ERC1: variants seen among roughly 807,000 people sequenced by gnomAD.
ERC1 encodes RAB6 interacting protein 2.
A neutral mutation model predicts 132.0 loss-of-function variants in ERC1; 56 were observed. The ratio of observed to expected loss-of-function variants is 0.42; its 90% CI spans 0.34 to 0.53. ERC1 has a LOEUF of 0.53. Ranked by LOEUF, ERC1 falls within the 20% of genes least tolerant of loss-of-function variation. ERC1 has a pLI of 0.03. For missense variants in ERC1, 1,202 were observed against 1,349.9 expected (o/e 0.89, Z 1.72); for synonymous variants, 478 against 476.1 (o/e 1.00, Z -0.05).
chr12:1,337,350 T>C (rs1301794423), intron 15 of ERC1, among the ~76,000 whole-genome samples: 3 of 152,070 alleles, frequency 2.0e-5, no homozygotes, highest in Non-Finnish European at 2.9e-5. Flanking sequence ...TTAAAGTCTA[T>C]TTTTTCTGAA....
intron 1 of ERC1, among the ~76,000 whole-genome samples, chr12:1,017,644 G>A (rs750784480): frequency 1.3e-5 from 2 of 151,778 alleles, no homozygotes; most frequent in African/African-American, 4.8e-5. Flanking sequence ...GACTAGAGGC[G>A]TGCGCTATCA....
rs77918180 is a variant in ERC1, at chr12:1,461,529, G to A, written c.3213+16779G>A. 5.7e-3 allele frequency among the ~76,000 whole-genome samples: 873 copies of A among 152,116 alleles called. 3 individuals carry two copies. The highest frequency in any genetic ancestry group is 0.02 in the African/African-American group (820 of 41,498). On this transcript the variant is annotated intron_variant, in intron 18 of 18. Transcript: ENST00000360905. The stretch of plus-strand genomic sequence containing the variant: ...CTAAAAGTACAAAAATTAACCTGGC[G>A]TGGTGGTGGGCACCTGTAATCTCAG...
intron 18 of ERC1, among the ~76,000 whole-genome samples, chr12:1,445,222 ATTTTTTTT>A (rs137864873): frequency 2.2e-5 from 2 of 90,692 alleles, no homozygotes; most frequent in African/African-American, 5.3e-5. Flanking sequence ...TGTACAGTAG[ATTTTTTTT>A]TTTTTTTTTT....
chr12:1,244,779 C>CCA, intron 13 of ERC1: 17 of 272,250 alleles, frequency 6.2e-5, no homozygotes, highest in Non-Finnish European at 1.0e-4. Context: ...TCGGCCTCTA[C>CCA]AAGTGCTGGG....
rs778126135 is a variant in ERC1, at chr12:1,096,606, C to A, written c.1087-8144C>A. Among the ~76,000 whole-genome samples, 6 of 152,052 alleles carry A rather than the reference C, an allele frequency of 3.9e-5. No homozygotes were observed. In the South Asian group the frequency reaches 1.0e-3, roughly 26 times the overall value. The stretch of plus-strand genomic sequence containing the variant: ...GCTGGGAGGAGGCTGACGAGTTTGT[C>A]GTTTTAAGGCAGGTGAGAGATTATT... On this transcript the variant is annotated intron_variant, in intron 3 of 18. Coordinates refer to ENST00000360905, the MANE Select transcript of ERC1 (RefSeq NM_178040.4).
chr12:1,200,497 T>C (rs1442357971), intron 12 of ERC1, among the ~76,000 whole-genome samples: 1 of 152,182 alleles, frequency 6.6e-6, no homozygotes, highest in African/African-American at 2.4e-5. Context: ...CCAATGTATA[T>C]ATGTTATAAA....
intron 18 of ERC1, among the ~76,000 whole-genome samples, chr12:1,479,503 G>T (rs1185708165): frequency 2.0e-5 from 3 of 152,156 alleles, no homozygotes; most frequent in Non-Finnish European, 2.9e-5. Context: ...GGCAATTTCA[G>T]TGAAATAGCA....
intron 2 of ERC1, among the ~76,000 whole-genome samples, chr12:1,067,870 C>CTG (rs1245859386): frequency 1.3e-5 from 2 of 150,220 alleles, no homozygotes; most frequent in East Asian, 3.9e-4. Flanking sequence ...TAGAACAAAA[C>CTG]TGTGTGTGTG....
At chr12:1,441,112 G>C (rs565920397) in intron 17 of ERC1, among the ~76,000 whole-genome samples, 1 of 151,576 alleles carries the variant, frequency 6.6e-6, no homozygotes, top group Non-Finnish European at 1.5e-5. Flanking sequence ...AGCCTGGAGT[G>C]CAATGGTGCG....
intron 8 of ERC1, among the ~76,000 whole-genome samples, chr12:1,177,782 C>T (rs564692031): frequency 2.0e-5 from 3 of 152,282 alleles, no homozygotes; most frequent in Non-Finnish European, 2.9e-5. Context: ...TAGACTTGCT[C>T]GACGCAGGGT....
intron 2 of ERC1, among the ~76,000 whole-genome samples, chr12:1,047,465 G>T (rs1971263002): frequency 1.3e-5 from 2 of 152,078 alleles, no homozygotes; most frequent in Admixed American, 1.3e-4. Context: ...ATTTTTGGCT[G>T]AATCTATTCA....
intron 15 of ERC1, among the ~76,000 whole-genome samples, chr12:1,300,840 C>CAA (rs1490717448): frequency 2.6e-5 from 4 of 152,102 alleles, no homozygotes; most frequent in African/African-American, 9.7e-5. Flanking sequence ...AACTCTTACA[C>CAA]ACTGTCGGTG....
Position 1,155,184 on chromosome 12 carries a change from G to A in ERC1, c.1737+13397G>A, listed in dbSNP as rs114335092. On this transcript the variant is annotated intron_variant, in intron 8 of 18. Transcript: ENST00000360905. ...CTACTAAAAATAAAAAAATCTGATG[G>A]GCATATTGGTACGTGCCTGTAGTCT... is the stretch of plus-strand genomic sequence containing the variant. 4.3e-3 allele frequency among the ~76,000 whole-genome samples: 649 copies of A among 152,054 alleles called. 7 individuals are homozygous for A. The highest frequency in any genetic ancestry group is 0.015 in the African/African-American group (605 of 41,502).
At position 1,039,370 on chromosome 12, in the gene ERC1, A is replaced by G. The variant is rs112496728; in HGVS notation, c.669+10798A>G. ...AAAAAAAATAAAAATAAATAAATAA[A>G]TAAATAAAAAATTAGCTGGCATGGT... On this transcript the variant is annotated intron_variant, in intron 2 of 18. Transcript: ENST00000360905. 9.6e-3 allele frequency among the ~76,000 whole-genome samples: 1,442 copies of G among 150,880 alleles called. 7 individuals carry two copies. Among genetic ancestry groups the G allele is most frequent in the Non-Finnish European group, 0.017 (1,130 of 67,696 alleles).
chr12:1,058,241 T>C (rs78523146), intron 2 of ERC1, among the ~76,000 whole-genome samples: 4,902 of 152,298 alleles, frequency 0.032, 118 homozygotes, highest in Middle Eastern at 0.099. Context: ...TTTGAAACCT[T>C]ACCAAGAAAG....
intron 18 of ERC1, among the ~76,000 whole-genome samples, chr12:1,459,527 G>A (rs1350925034): frequency 1.3e-5 from 2 of 152,212 alleles, no homozygotes; most frequent in African/African-American, 4.8e-5. Context: ...ACTCCACCCT[G>A]TGGTTGAATG....
chr12:1,050,197 C>T lies in ERC1; in HGVS notation c.669+21625C>T, dbSNP rs541119234. Among the ~76,000 whole-genome samples the T allele has an allele frequency of 3.7e-4, 57 of 152,226 alleles. No homozygotes were observed. In the Middle Eastern group the frequency reaches 0.027, roughly 73 times the overall value. On this transcript the variant is annotated intron_variant, in intron 2 of 18. Transcript: ENST00000360905. Reference sequence around the variant, plus strand: ...GCTGAGAAGAGAGCAAAATGATCAGCCCTGGATTTTGGGACTTGGCCAAAA... The same window carrying T: ...GCTGAGAAGAGAGCAAAATGATCAGTCCTGGATTTTGGGACTTGGCCAAAA...
At chr12:1,063,265 T>C (rs1377302721) in intron 2 of ERC1, among the ~76,000 whole-genome samples, 2 of 151,662 alleles carry the variant, frequency 1.3e-5, no homozygotes, top group Non-Finnish European at 2.9e-5. Context: ...TATGTATTTA[T>C]TTATTTAGTT....
At chr12:1,281,100 A>G (rs921040907) in intron 14 of ERC1, among the ~76,000 whole-genome samples, 1 of 152,202 alleles carries the variant, frequency 6.6e-6, no homozygotes, top group African/African-American at 2.4e-5. Flanking sequence ...ACTTAAGGAA[A>G]GTGTTTGAGT....
Sources: gnomAD v4.1 joint callset for allele counts (sites outside exome capture counted in the v4.1 genomes callset) on GRCh38, gnomAD v4.1.1 for gene constraint, MANE v1.5 for transcripts, NCBI Gene and HGNC (gene_info 2026-07-23, HGNC 2026-07-21) for gene names.